The following NBEAL2 variants were observed in gnomAD, a reference collection of about 807,000 sequenced individuals.
NBEAL2 encodes the protein neurobeachin like 2.
NBEAL2 carries 160 observed loss-of-function variants against 299.8 expected under a neutral mutation model. The observed-to-expected ratio is 0.53, with a 90% confidence interval of 0.47 to 0.61. NBEAL2 has a LOEUF of 0.61. Among genes scored for constraint, NBEAL2 ranks in the 20% least tolerant of loss-of-function variants. The pLI, the probability that NBEAL2 is intolerant of heterozygous loss-of-function variation, is 0.00. For missense variants in NBEAL2, 3,112 were observed against 3,649.0 expected (o/e 0.85, Z 3.79); for synonymous variants, 1,493 against 1,542.3 (o/e 0.97, Z 0.75).
Position 47,005,753 on chromosome 3 carries a change from G to A in NBEAL2, c.6707G>A (p.Cys2236Tyr). The change falls in exon 42 of 54, where the codon TGT (cysteine) becomes TAT (tyrosine). Residue 2236 changes from cysteine to tyrosine, a missense_variant. By Grantham distance (194) the Cys-to-Tyr change is radical. Transcript: ENST00000450053. ...TCTGTGCCAGGTTTTGACCTGGGCT[G>A]TCTCCAGCTGACCAACGAGAAGGTA... is the stretch of plus-strand genomic sequence containing the variant. Reference protein sequence around the residue: ...LENQNGFDLGCLQLTNEKVGD... With the variant: ...LENQNGFDLGYLQLTNEKVGD... The A allele has an allele frequency of 6.2e-7, 1 of 1,613,340 alleles. No homozygotes were observed. The highest frequency in any genetic ancestry group is 8.5e-7 in the Non-Finnish European group (1 of 1,179,866).
intron 31 of NBEAL2, 31 bp downstream of exon 31, chr3:47,002,319 G>A (rs757238619): frequency 1.9e-6 from 3 of 1,597,070 alleles, no homozygotes; most frequent in South Asian, 2.2e-5. Flanking sequence ...AGGAAGAGGA[G>A]TGGGGGCTGG....
Position 46,989,099 on chromosome 3 carries a change from T to C in NBEAL2, c.284T>C (p.Ile95Thr). Residue 95 changes from isoleucine (I) to threonine (T), a missense_variant, in exon 4 of 54, where the codon ATA becomes ACA. This residue lies in a region of NBEAL2 where 2,243 missense variants were observed against 2,538.1 expected (regional missense o/e 0.88). Transcript: ENST00000450053. The surrounding 1 kb of genome is among the most constrained non-coding windows in gnomAD (Gnocchi z 5.5). ...FIILCRNLEN[I>T]EAGRGQVLVP... ...GACTCCCCCAGGAACCTGGAGAACA[T>C]AGAGGCAGGCCGGGGCCAAGTGCTA... The C allele has an allele frequency of 6.2e-7, 1 of 1,613,750 alleles. No homozygotes were observed. Among genetic ancestry groups the C allele is most frequent in the African/African-American group, 1.3e-5 (1 of 75,046 alleles).
chr3:46,994,011 C>G lies in NBEAL2; in HGVS notation c.1188C>G (p.Pro396=). 1 of 1,610,310 alleles carries G rather than the reference C, an allele frequency of 6.2e-7. No individual in the cohort carries two copies. The highest frequency in any genetic ancestry group is 1.3e-5 in the African/African-American group (1 of 74,964). The change falls in exon 11 of 54, where the codon CCC becomes CCG. Residue 396 remains proline (P), a synonymous_variant. Coordinates refer to ENST00000450053, the MANE Select transcript of NBEAL2 (RefSeq NM_015175.3). ...RVLTCIMSDS[P]SAKEVFKERI... ...TGACCTGCATCATGAGTGACTCCCCCTCGGCCAAGGTGAGGCTGCTGCACT... is the reference window on the plus strand; with the variant it reads ...TGACCTGCATCATGAGTGACTCCCCGTCGGCCAAGGTGAGGCTGCTGCACT...
In NBEAL2 at chr3:46,992,480, C is replaced by T. The variant is rs201015016; in HGVS notation, c.1038C>T (p.Tyr346=). 4,116 of 1,605,408 alleles carry T rather than the reference C, an allele frequency of 2.6e-3. 8 individuals are homozygous for T. The highest frequency in any genetic ancestry group is 3.2e-3 in the Non-Finnish European group (3,736 of 1,176,532). The change falls in exon 10 of 54, where the codon TAC becomes TAT. Residue 346 remains tyrosine, a synonymous_variant. Transcript: ENST00000450053. ...GCCTCCCCACTTCCCCACAGCTGTA[C>T]CTGCAGTCCCGGGCGCCCCCCGAGG... ...LTRLIQNSKL[Y]LQSRAPPEGD...
In NBEAL2 at chr3:47,001,015, A is replaced by G. The variant is rs368456514; in HGVS notation, c.4320A>G (p.Glu1440=). ...TGTGCCCACAGCAAACCTCTGAGGA[A>G]GAGTTGTGCAATCTGCTCACCAACG... The part of the protein sequence containing the change: ...NTSNPQQTSE[E]ELCNLLTNVL... Residue 1440 remains glutamate, a synonymous_variant, in exon 28 of 54, where the codon GAA becomes GAG. Coordinates refer to ENST00000450053, the MANE Select transcript of NBEAL2 (RefSeq NM_015175.3). The surrounding 1 kb of genome is among the most constrained non-coding windows in gnomAD (Gnocchi z 6.1). The G allele has an allele frequency of 6.2e-7, 1 of 1,609,210 alleles. No homozygotes were observed. Among genetic ancestry groups the G allele is most frequent in the Non-Finnish European group, 8.5e-7 (1 of 1,178,138 alleles).
chr3:47,006,652 C>T (rs1411089788), intron 45 of NBEAL2, among the ~76,000 whole-genome samples: 1 of 152,184 alleles, frequency 6.6e-6, no homozygotes, highest in Admixed American at 6.5e-5. Context: ...GTCGACTCAA[C>T]AAGCTCTGAA....
rs758320077 is a variant in NBEAL2, at chr3:47,001,193, T to C, written c.4484+14T>C. 5 of 1,604,694 alleles carry C rather than the reference T, an allele frequency of 3.1e-6. No individual in the cohort carries two copies. In the East Asian group the frequency reaches 6.7e-5, roughly 22 times the overall value. ...CATCAAGCGCAGGTGAGAGGGAAAGTCTGGAGGGGGAGGGGCTTCAGGAAG... is the reference window on the plus strand; with the variant it reads ...CATCAAGCGCAGGTGAGAGGGAAAGCCTGGAGGGGGAGGGGCTTCAGGAAG... On this transcript the variant is annotated intron_variant, in intron 28 of 53. Coordinates refer to ENST00000450053, the MANE Select transcript of NBEAL2 (RefSeq NM_015175.3). The surrounding 1 kb of genome is among the most constrained non-coding windows in gnomAD (Gnocchi z 6.1).
At chr3:46,985,739 C>A (rs569304951) in intron 1 of NBEAL2, among the ~76,000 whole-genome samples, 45 of 152,318 alleles carry the variant, frequency 3.0e-4, no homozygotes, top group African/African-American at 1.0e-3. Context: ...CTGCTCCCGA[C>A]CTGCCTTCAG....
intron 1 of NBEAL2, among the ~76,000 whole-genome samples, chr3:46,984,591 G>A (rs745382878): frequency 9.9e-5 from 15 of 152,212 alleles, no homozygotes; most frequent in East Asian, 1.9e-4. Context: ...TGTCCTCCCC[G>A]TCCTGATACT....
intron 1 of NBEAL2, among the ~76,000 whole-genome samples, chr3:46,983,159 A>T (rs535910934): frequency 1.1e-4 from 17 of 152,234 alleles, no homozygotes; most frequent in Admixed American, 9.2e-4. Flanking sequence ...CTGAGGCCTC[A>T]GAAGGGTTCA....
At position 47,005,096 on chromosome 3, in the gene NBEAL2, A is replaced by G; in HGVS notation, c.6419A>G (p.Lys2140Arg). The G allele has an allele frequency of 6.2e-7, 1 of 1,613,792 alleles. No homozygotes were observed. Among genetic ancestry groups the G allele is most frequent in the East Asian group, 2.2e-5 (1 of 44,868 alleles). ...NPKHAQLVREKYESFEDPAGT... is the reference protein window; with the variant it reads ...NPKHAQLVRERYESFEDPAGT... ...AAGCATGCCCAGCTCGTGAGGGAGA[A>G]GTGAGCATGTGGGCAGGGCTGGGCT... The change falls in exon 39 of 54, where the codon AAG becomes AGG. Residue 2140 changes from lysine (K) to arginine (R), a missense_variant and splice_region_variant. Around this residue, in one of 3 missense-constraint regions of NBEAL2, gnomAD observed 521 missense variants for 729.6 expected, o/e 0.71. Coordinates refer to ENST00000450053, the MANE Select transcript of NBEAL2 (RefSeq NM_015175.3).
rs746097842 is a variant in NBEAL2 at position 46,991,841 on chromosome 3, C to T, written c.927C>T (p.Asp309=). ...GCCTGACCCTTGACCCTTCCACAGA[C>T]GCCATCCCCATGATGCTGGCATGTG... ...ALVTLRVSML[D]AIPMMLACED... The change falls in exon 9 of 54, where the codon GAC becomes GAT. Residue 309 remains aspartate (D), a splice_region_variant and synonymous_variant. Transcript: ENST00000450053. This position sits in a 1 kb window ranked among gnomAD's most constrained non-coding sequence, Gnocchi z 6.2. The T allele has an allele frequency of 1.8e-5, 28 of 1,592,796 alleles. No homozygotes were observed. The highest frequency in any genetic ancestry group is 2.7e-5 in the African/African-American group (2 of 74,350).
chr3:46,982,299 C>T lies in NBEAL2; in HGVS notation c.51+2387C>T, dbSNP rs2107246775. Among the ~76,000 whole-genome samples the T allele has an allele frequency of 6.6e-6, 1 of 152,294 alleles. No homozygotes were observed. The highest frequency in any genetic ancestry group is 2.1e-4 in the South Asian group (1 of 4,820). ...AGCCACCCAGCCAGCAACACCTGCACCCCTCCCTTCAGCAGTGAGAGCTGA... is the reference window on the plus strand; with the variant it reads ...AGCCACCCAGCCAGCAACACCTGCATCCCTCCCTTCAGCAGTGAGAGCTGA... On this transcript the variant is annotated intron_variant, in intron 1 of 53. Transcript: ENST00000450053. This position sits in a 1 kb window ranked among gnomAD's most constrained non-coding sequence, Gnocchi z 4.2.
Position 47,000,022 on chromosome 3 carries a change from A to C in NBEAL2, c.3923A>C (p.Glu1308Ala), listed in dbSNP as rs367783793. 19 of 1,612,082 alleles carry C rather than the reference A, an allele frequency of 1.2e-5. No homozygotes were observed. Among genetic ancestry groups the C allele is most frequent in the Admixed American group, 8.3e-5 (5 of 59,912 alleles). ...GGCAGCCCCCCTCCGTCTTCCCCAGAGTCACCTACCTCCCCCAAGCCAGCC... is the reference window on the plus strand; with the variant it reads ...GGCAGCCCCCCTCCGTCTTCCCCAGCGTCACCTACCTCCCCCAAGCCAGCC... ...TAGSPPPSSP[E>A]SPTSPKPAPP... The change falls in exon 27 of 54, where the codon GAG (glutamate) becomes GCG (alanine). Residue 1308 changes from glutamate (E) to alanine (A), a missense_variant. Glu to Ala is a moderately radical substitution (Grantham distance 107). Around this residue, in one of 3 missense-constraint regions of NBEAL2, gnomAD observed 2,243 missense variants for 2,538.1 expected, o/e 0.88. Transcript: ENST00000450053. This position sits in a 1 kb window ranked among gnomAD's most constrained non-coding sequence, Gnocchi z 4.5.
chr3:47,006,970 G>T, intron 45 of NBEAL2, 96 bp from the exon 46 acceptor site: 1 of 1,037,642 alleles, frequency 9.6e-7, no homozygotes, highest in Non-Finnish European at 1.4e-6. Context: ...TATGACCCCT[G>T]GGGACTGACA....
In NBEAL2 at chr3:46,991,428, G is replaced by A. The variant is rs1224183999; in HGVS notation, c.665G>A (p.Ser222Asn). 1 of 1,608,258 alleles carries A rather than the reference G, an allele frequency of 6.2e-7. No homozygotes were observed. The highest frequency in any genetic ancestry group is 1.3e-5 in the African/African-American group (1 of 74,896). The part of the protein sequence containing the change: ...GGKENGQMAV[S>N]DGSVKGLLSV... Reference sequence around the variant, plus strand: ...CAGGAGAACGGGCAGATGGCTGTAAGTGATGGCTCTGTGAAGGGCCTGCTG... The same window carrying A: ...CAGGAGAACGGGCAGATGGCTGTAAATGATGGCTCTGTGAAGGGCCTGCTG... Residue 222 changes from serine (S) to asparagine (N), a missense_variant, in exon 8 of 54, where the codon AGT (serine) becomes AAT (asparagine). By Grantham distance (46) the Ser-to-Asn change is conservative (BLOSUM62 1). Around this residue, in one of 3 missense-constraint regions of NBEAL2, gnomAD observed 2,243 missense variants for 2,538.1 expected, o/e 0.88. Coordinates refer to ENST00000450053, the MANE Select transcript of NBEAL2 (RefSeq NM_015175.3). This position sits in a 1 kb window ranked among gnomAD's most constrained non-coding sequence, Gnocchi z 6.2.
chr3:46,994,059 G>T lies in NBEAL2; in HGVS notation c.1197+39G>T, dbSNP rs1219931610. 3 of 1,563,444 alleles carry T rather than the reference G, an allele frequency of 1.9e-6. No homozygotes were observed. In the South Asian group the frequency reaches 3.5e-5, roughly 18 times the overall value. On this transcript the variant is annotated intron_variant, in intron 11 of 53. Transcript: ENST00000450053. Reference sequence around the variant, plus strand: ...ACTGCAGCTTTAGTAGGGGTGCGGGGTGGAGTTCAACTGACCATATCCCCA... The same window carrying T: ...ACTGCAGCTTTAGTAGGGGTGCGGGTTGGAGTTCAACTGACCATATCCCCA...
Position 47,003,999 on chromosome 3 carries a change from AGGAGGATGGC to A in NBEAL2, c.5881+24_5881+33del. ...AGGGTGCGTCCTGGTGGTGTGGTTT[AGGAGGATGGC>A]AGGGAATGGCTGAGCTCTGGGTGGG... On this transcript the variant is annotated intron_variant, in intron 36 of 53. Transcript: ENST00000450053. This position sits in a 1 kb window ranked among gnomAD's most constrained non-coding sequence, Gnocchi z 7.0. The A allele has an allele frequency of 6.2e-7, 1 of 1,609,418 alleles. No individual in the cohort carries two copies. Among genetic ancestry groups the A allele is most frequent in the African/African-American group, 1.3e-5 (1 of 74,786 alleles).
chr3:47,002,601 G>A, intron 32 of NBEAL2, 44 bp from the exon 33 acceptor site: 1 of 1,607,444 alleles, frequency 6.2e-7, no homozygotes, highest in South Asian at 1.1e-5. Flanking sequence ...GAAACGGGTA[G>A]GGCAGGCAGC....
Sources: gnomAD v4.1 joint callset for allele counts (sites outside exome capture counted in the v4.1 genomes callset) on GRCh38, gnomAD v4.1.1 for gene constraint, gnomAD v4.1.1 regional missense constraint, Gnocchi (gnomAD v3.1) non-coding constraint, MANE v1.5 for transcripts, NCBI Gene and HGNC (gene_info 2026-07-23, HGNC 2026-07-21) for gene names.